SDHC: variants seen among roughly 807,000 people sequenced by gnomAD.
SDHC encodes succinate dehydrogenase complex subunit C.
Under a neutral mutation model 22.6 loss-of-function variants are expected in SDHC, and 11 were observed. The observed-to-expected ratio is 0.49, with a 90% CI of 0.31 to 0.81. The LOEUF (loss-of-function observed/expected upper bound fraction) is 0.81. Ranked by LOEUF, SDHC falls within the 30% of genes least tolerant of loss-of-function variation. SDHC has a pLI of 0.05. For synonymous variants in SDHC, 80 were observed against 77.8 expected, an observed-to-expected ratio of 1.03 and a Z score of -0.15; for missense variants, 160 against 212.0, an observed-to-expected ratio of 0.75 and a Z score of 1.52.
rs374657870 is a variant in SDHC at position 161,329,078 on chromosome 1, T to G, written c.179+581T>G. On this transcript the variant is annotated intron_variant, in intron 3 of 5. Transcript: ENST00000367975. ...GTGCACCACTACGGCCAGCTAATTT[T>G]TGTATTTTTAGTAGAGATGGGATTT... Among the ~76,000 whole-genome samples the G allele has an allele frequency of 2.5e-3, 384 of 152,052 alleles. 2 individuals are homozygous for G. Among genetic ancestry groups the G allele is most frequent in the African/African-American group, 8.9e-3 (369 of 41,480 alleles).
At chr1:161,358,780 G>A (rs892886346) in intron 5 of SDHC, among the ~76,000 whole-genome samples, 1 of 152,070 alleles carries the variant, frequency 6.6e-6, no homozygotes, top group African/African-American at 2.4e-5. Flanking sequence ...TACAAAATTA[G>A]CCGGGCATGG....
intron 3 of SDHC, among the ~76,000 whole-genome samples, chr1:161,335,818 T>G (rs1038773501): frequency 1.3e-5 from 2 of 151,030 alleles, no homozygotes; most frequent in Non-Finnish European, 3.0e-5. Flanking sequence ...CATACATACA[T>G]ATATACATAT....
In SDHC at chr1:161,362,638, G is replaced by C. The variant is rs1672571716; in HGVS notation, c.*205G>C. ...GTTTTCCCCTTGTTTCTAAAGATGA[G>C]GTGGCTGCAAAAACTCCCCTTTTTT... On this transcript the variant is annotated 3_prime_UTR_variant, in exon 6 of 6. Transcript: ENST00000367975. 2 of 1,557,314 alleles carry C rather than the reference G, an allele frequency of 1.3e-6. No homozygotes were observed.
At chr1:161,319,938 T>G (rs553511976) in intron 1 of SDHC, among the ~76,000 whole-genome samples, 1 of 151,124 alleles carries the variant, frequency 6.6e-6, no homozygotes, top group African/African-American at 2.4e-5. Flanking sequence ...TTGGCCACGT[T>G]GTGAAGTGCG....
chr1:161,338,844 C>A (rs897351337), intron 3 of SDHC, among the ~76,000 whole-genome samples: 3 of 151,814 alleles, frequency 2.0e-5, no homozygotes, highest in Non-Finnish European at 4.4e-5. Flanking sequence ...ACAGTGATTG[C>A]TTTCTTTCTT....
chr1:161,314,534 C>A, intron 1 of SDHC, 109 bp downstream of exon 1: 1 of 1,386,486 alleles, frequency 7.2e-7, no homozygotes, highest in Non-Finnish European at 1.0e-6. Context: ...AGGGAAAGGA[C>A]CCATGGGTGT....
intron 1 of SDHC, chr1:161,314,696 T>C (rs1454792383): frequency 1.8e-6 from 1 of 542,010 alleles, no homozygotes; most frequent in Non-Finnish European, 3.3e-6. Flanking sequence ...CTAGTACTTC[T>C]AACGCAAATT....
intron 2 of SDHC, among the ~76,000 whole-genome samples, chr1:161,327,047 C>T (rs990502623): frequency 6.6e-6 from 1 of 152,182 alleles, no homozygotes; most frequent in African/African-American, 2.4e-5. Context: ...ACCTCAGCCT[C>T]CCGAGTAACT....
At chr1:161,360,028 AT>A (rs34443836) in intron 5 of SDHC, among the ~76,000 whole-genome samples, 55,700 of 141,960 alleles carry the variant, frequency 0.39, 11,423 homozygotes, top group African/African-American at 0.57. Context: ...TCTCATCTTG[AT>A]TTTTTTTTTT....
At chr1:161,340,764 A>G in intron 4 of SDHC, 109 bp downstream of exon 4, 1 of 824,082 alleles carries the variant, frequency 1.2e-6, no homozygotes, top group Non-Finnish European at 2.1e-6. Flanking sequence ...ATTTAGAGGG[A>G]ACAGTAAGTC....
intron 5 of SDHC, among the ~76,000 whole-genome samples, chr1:161,361,445 GATAA>G (rs1455131021): frequency 2.6e-5 from 4 of 152,058 alleles, no homozygotes; most frequent in African/African-American, 4.8e-5. Flanking sequence ...CTAGTCCTCT[GATAA>G]ATAGAGTTTC....
At chr1:161,314,487 C>T (rs1670527718) in intron 1 of SDHC, 62 bp downstream of exon 1, 1 of 1,584,540 alleles carries the variant, frequency 6.3e-7, no homozygotes, top group Admixed American at 1.7e-5. Context: ...ACTGGCCCCT[C>T]ACGTTTTGCT....
At chr1:161,361,208 AG>A (rs1672496526) in intron 5 of SDHC, among the ~76,000 whole-genome samples, 2 of 151,964 alleles carry the variant, frequency 1.3e-5, no homozygotes, top group African/African-American at 4.8e-5. Context: ...CACAAAAAGG[AG>A]AAAATATATG....
chr1:161,362,756 T>G lies in SDHC; in HGVS notation c.*323T>G. On this transcript the variant is annotated 3_prime_UTR_variant, in exon 6 of 6. Coordinates refer to ENST00000367975, the MANE Select transcript of SDHC (RefSeq NM_003001.5). ...CTGAGGGTCAGCTTTTGGCTCCTTCTTCCTGAGACAGTGGAAACAATGCCA... is the reference window on the plus strand; with the variant it reads ...CTGAGGGTCAGCTTTTGGCTCCTTCGTCCTGAGACAGTGGAAACAATGCCA... The G allele has an allele frequency of 1.9e-6, 1 of 538,868 alleles. No individual in the cohort carries two copies. 33.4% of individuals were successfully genotyped at this position (538,868 alleles called of 1,614,324 possible). A position where few individuals can be genotyped will look rare whatever the true frequency, so the allele number is the denominator to read the frequency against.
At chr1:161,345,962 T>C (rs1390966854) in intron 4 of SDHC, among the ~76,000 whole-genome samples, 1 of 151,810 alleles carries the variant, frequency 6.6e-6, no homozygotes, top group Non-Finnish European at 1.5e-5. Flanking sequence ...CCCACTACCA[T>C]GCACGGCTAA....
chr1:161,324,105 T>C (rs1305419711), intron 2 of SDHC, among the ~76,000 whole-genome samples: 1 of 152,178 alleles, frequency 6.6e-6, no homozygotes, highest in Non-Finnish European at 1.5e-5. Flanking sequence ...ACTTAAGTAA[T>C]TGTGGTGACT....
At chr1:161,358,288 A>G (rs1346837013) in intron 5 of SDHC, among the ~76,000 whole-genome samples, 2 of 150,440 alleles carry the variant, frequency 1.3e-5, no homozygotes, top group Non-Finnish European at 3.0e-5. Flanking sequence ...CACACCCAGC[A>G]AATTTTTTTT....
chr1:161,333,149 T>C (rs140883445), intron 3 of SDHC, among the ~76,000 whole-genome samples: 35 of 152,370 alleles, frequency 2.3e-4, no homozygotes, highest in African/African-American at 7.7e-4. Flanking sequence ...CGTTCATCCA[T>C]GTTTTAGCAT....
At chr1:161,320,551 A>G (rs1670801151) in intron 1 of SDHC, among the ~76,000 whole-genome samples, 1 of 152,072 alleles carries the variant, frequency 6.6e-6, no homozygotes, top group African/African-American at 2.4e-5. Context: ...TTTTTCCAGA[A>G]ATCAAATTTA....
Sources: allele counts gnomAD v4.1 joint callset (sites outside exome capture counted in the v4.1 genomes callset), GRCh38; gene constraint gnomAD v4.1.1; transcripts MANE v1.5; gene names NCBI Gene and HGNC (gene_info 2026-07-23, HGNC 2026-07-21).